Variants in COPS7B observed in about 807,000 individuals in gnomAD.
COPS7B encodes COP9 signalosome complex subunit 7b.
In COPS7B, 9 loss-of-function variants were observed where a neutral mutation model predicts 33.4. The observed-to-expected ratio is 0.27, with a 90% CI of 0.16 to 0.47. The LOEUF (loss-of-function observed/expected upper bound fraction) is 0.47, where lower values mean the gene tolerates loss of function less well. Ranked by LOEUF, COPS7B falls within the 20% of genes least tolerant of loss-of-function variation. COPS7B has a pLI of 0.99. For missense variants in COPS7B, 242 were observed against 318.2 expected (o/e 0.76, Z 1.82); for synonymous variants, 119 against 126.3 (o/e 0.94, Z 0.39).
Position 231,807,681 on chromosome 2 carries a change from G to A in COPS7B, c.*36G>A. The A allele has an allele frequency of 6.5e-7, 1 of 1,529,920 alleles. No individual in the cohort carries two copies. 94.8% of individuals were successfully genotyped at this position (1,529,920 alleles called of 1,614,324 possible). On this transcript the variant is annotated 3_prime_UTR_variant, in exon 7 of 7. Coordinates refer to ENST00000350033, the MANE Select transcript of COPS7B (RefSeq NM_022730.4). ...GGCAGCTGGCACTCACCAGGCCTGG[G>A]TCAGGTGGGGAGGGGACACCAAGGG...
At chr2:231,793,098 G>A (rs1407244796) in intron 3 of COPS7B, among the ~76,000 whole-genome samples, 3 of 152,148 alleles carry the variant, frequency 2.0e-5, no homozygotes, top group African/African-American at 4.8e-5. Flanking sequence ...TTGTGTGTTC[G>A]TTGACAAATG....
intron 6 of COPS7B, among the ~76,000 whole-genome samples, chr2:231,800,309 T>C (rs1308747419): frequency 2.0e-5 from 3 of 152,226 alleles, no homozygotes; most frequent in Non-Finnish European, 4.4e-5. Flanking sequence ...AGCTTGCTGC[T>C]TTTCTAATAA....
chr2:231,806,394 T>C (rs2049894643), intron 6 of COPS7B, among the ~76,000 whole-genome samples: 1 of 151,706 alleles, frequency 6.6e-6, no homozygotes, highest in South Asian at 2.1e-4. Context: ...TACAAATAAG[T>C]TTTTAAAAAT....
intron 4 of COPS7B, among the ~76,000 whole-genome samples, chr2:231,795,460 T>C (rs1259750687): frequency 6.6e-6 from 1 of 152,224 alleles, no homozygotes; most frequent in Non-Finnish European, 1.5e-5. Context: ...GTGGGAGGCC[T>C]ATTTTGTTGT....
intron 1 of COPS7B, among the ~76,000 whole-genome samples, chr2:231,787,937 G>A (rs1309026917): frequency 1.3e-5 from 2 of 152,180 alleles, no homozygotes; most frequent in Admixed American, 1.3e-4. Flanking sequence ...CAGCTGCTGA[G>A]AAACTCATGT....
chr2:231,800,004 G>C (rs1178847665), intron 6 of COPS7B, among the ~76,000 whole-genome samples: 2 of 152,290 alleles, frequency 1.3e-5, no homozygotes, highest in African/African-American at 4.8e-5. Flanking sequence ...CACCATAAAA[G>C]TGTGTCAGTG....
At chr2:231,796,888 T>C (rs1432417807) in intron 5 of COPS7B, among the ~76,000 whole-genome samples, 1 of 152,236 alleles carries the variant, frequency 6.6e-6, no homozygotes, top group Non-Finnish European at 1.5e-5. Flanking sequence ...ATAACTATAC[T>C]CTGGTATATA....
At chr2:231,802,800 T>A (rs1474428647) in intron 6 of COPS7B, among the ~76,000 whole-genome samples, 1 of 152,244 alleles carries the variant, frequency 6.6e-6, no homozygotes, top group African/African-American at 2.4e-5. Flanking sequence ...TAAGATCCCC[T>A]TCCACTAGGA....
At position 231,808,622 on chromosome 2, in the gene COPS7B, G is replaced by T. The variant is rs944426378; in HGVS notation, c.*977G>T. On this transcript the variant is annotated 3_prime_UTR_variant, in exon 7 of 7. Coordinates refer to ENST00000350033, the MANE Select transcript of COPS7B (RefSeq NM_022730.4). Reference sequence around the variant, plus strand: ...TGGCATTCTCCTGGCAAGAGAAAAAGACTTAACTAGACTTCTGAACTTGAA... The same window carrying T: ...TGGCATTCTCCTGGCAAGAGAAAAATACTTAACTAGACTTCTGAACTTGAA... The T allele has an allele frequency of 1.4e-5, 6 of 426,600 alleles. No individual in the cohort carries two copies. Among genetic ancestry groups the T allele is most frequent in the South Asian group, 8.6e-5 (5 of 57,860 alleles). 26.4% of individuals were successfully genotyped at this position (426,600 alleles called of 1,614,324 possible).
At chr2:231,798,668 A>G (rs754145955) in intron 5 of COPS7B, among the ~76,000 whole-genome samples, 191 bp from the exon 6 acceptor site, 3 of 152,176 alleles carry the variant, frequency 2.0e-5, no homozygotes, top group Non-Finnish European at 4.4e-5. Context: ...TTTGTCTCCT[A>G]ATGTCCTGCA....
At chr2:231,788,136 GT>G (rs576680336) in intron 1 of COPS7B, among the ~76,000 whole-genome samples, 13,459 of 113,996 alleles carry the variant, frequency 0.12, 1,560 homozygotes, top group African/African-American at 0.43. Context: ...CTCAGGAACT[GT>G]TTTTTTTTTT....
At chr2:231,805,543 A>G (rs2049870443) in intron 6 of COPS7B, among the ~76,000 whole-genome samples, 1 of 151,032 alleles carries the variant, frequency 6.6e-6, no homozygotes, top group Non-Finnish European at 1.5e-5. Flanking sequence ...AGTTCACTGC[A>G]GCCTCAAACT....
upstream of COPS7B, among the ~76,000 whole-genome samples, chr2:231,782,615 T>TGG (rs2049156709): frequency 6.6e-6 from 1 of 152,104 alleles, no homozygotes; most frequent in African/African-American, 2.4e-5. Context: ...GGGTAAAAGG[T>TGG]GAAGGACATG....
intron 4 of COPS7B, among the ~76,000 whole-genome samples, chr2:231,794,913 C>A (rs745922136): frequency 6.6e-6 from 1 of 151,534 alleles, no homozygotes; most frequent in Non-Finnish European, 1.5e-5. Context: ...CCACCCCGCC[C>A]GGCTAATTTT....
chr2:231,796,069 G>A, intron 4 of COPS7B, 37 bp from the exon 5 acceptor site: 1 of 1,586,120 alleles, frequency 6.3e-7, no homozygotes, highest in Non-Finnish European at 8.7e-7. Context: ...ATGCTTGCCA[G>A]ATGGTTTTTA....
chr2:231,800,675 A>T (rs1242660816), intron 6 of COPS7B, among the ~76,000 whole-genome samples: 1 of 152,276 alleles, frequency 6.6e-6, no homozygotes, highest in South Asian at 2.1e-4. Flanking sequence ...AATTTTGGTT[A>T]TTTAAACACA....
rs758677034 is a variant in COPS7B, at chr2:231,796,090, A to AT, written c.328-15dup. The AT allele has an allele frequency of 6.2e-7, 1 of 1,609,098 alleles. No individual in the cohort carries two copies. The highest frequency in any genetic ancestry group is 1.1e-5 in the South Asian group (1 of 90,912). On this transcript the variant is annotated splice_polypyrimidine_tract_variant and intron_variant, in intron 4 of 6. Transcript: ENST00000350033. Reference sequence around the variant, plus strand: ...GCCAGATGGTTTTTATAATGATCACATGGCCTTATCTACAGTGTATCCCCT... The same window carrying AT: ...GCCAGATGGTTTTTATAATGATCACATTGGCCTTATCTACAGTGTATCCCCT...
intron 6 of COPS7B, among the ~76,000 whole-genome samples, chr2:231,805,448 A>T (rs1230240583): frequency 3.0e-5 from 1 of 33,418 alleles, no homozygotes; most frequent in South Asian, 1.1e-3. Flanking sequence ...TTTAAATTTT[A>T]TATATATATA....
At position 231,798,907 on chromosome 2, in the gene COPS7B, G is replaced by A. The variant is rs1352690220; in HGVS notation, c.579G>A (p.Leu193=). ...AVLLGIEQQV[L]RANQYKENHN... The stretch of plus-strand genomic sequence containing the variant: ...TACTGGGCATCGAGCAGCAAGTTCT[G>A]AGAGCCAACCAGTACAAAGAGAACC... The change falls in exon 6 of 7, where the codon CTG becomes CTA. Residue 193 remains leucine, a synonymous_variant. Transcript: ENST00000350033. The A allele has an allele frequency of 1.2e-6, 2 of 1,614,088 alleles. No homozygotes were observed. Among genetic ancestry groups the A allele is most frequent in the African/African-American group, 1.3e-5 (1 of 74,932 alleles).
Sources: allele counts gnomAD v4.1 joint callset (sites outside exome capture counted in the v4.1 genomes callset), GRCh38; gene constraint gnomAD v4.1.1; transcripts MANE v1.5; gene names NCBI Gene and HGNC (gene_info 2026-07-23, HGNC 2026-07-21).